Variants in TET3 observed in about 807,000 individuals in gnomAD.
The protein encoded by TET3 is methylcytosine dioxygenase TET3.
Under a neutral mutation model 141.4 loss-of-function variants are expected in TET3, and 19 were observed. That is an observed-to-expected ratio of 0.13 (90% CI 0.09 to 0.20). TET3 has a LOEUF of 0.20. Ranked by LOEUF, TET3 falls within the 10% of genes least tolerant of loss-of-function variation. The probability of loss-of-function intolerance (pLI) is 1.00; values close to 1 mark genes in which losing one functional copy is unlikely to be tolerated. For missense variants in TET3, 1,874 were observed against 2,356.9 expected (o/e 0.80, Z 4.24); for synonymous variants, 1,043 against 980.9 (o/e 1.06, Z -1.18).
intron 3 of TET3, among the ~76,000 whole-genome samples, chr2:74,036,140 A>G (rs1299663225): frequency 6.6e-6 from 1 of 152,220 alleles, no homozygotes; most frequent in African/African-American, 2.4e-5. Context: ...TTTTCATAAT[A>G]ATCTTGTGAG....
intron 5 of TET3, among the ~76,000 whole-genome samples, chr2:74,078,996 T>C (rs1406855010): frequency 6.6e-6 from 1 of 152,220 alleles, no homozygotes; most frequent in East Asian, 1.9e-4. Context: ...CAGTGATGAA[T>C]TGTTGGAAAC....
At chr2:74,004,796 C>T (rs1038006068) in intron 3 of TET3, among the ~76,000 whole-genome samples, 1 of 152,192 alleles carries the variant, frequency 6.6e-6, no homozygotes, top group African/African-American at 2.4e-5. Flanking sequence ...GCAGAACCCC[C>T]AGGTTCCACC....
chr2:74,037,661 A>T (rs1166057809), intron 3 of TET3, among the ~76,000 whole-genome samples: 2 of 152,172 alleles, frequency 1.3e-5, no homozygotes. Flanking sequence ...GGCCAAAAAC[A>T]CCTTCTTGGA....
At chr2:74,069,091 C>A (rs1486091971) in intron 4 of TET3, among the ~76,000 whole-genome samples, 2 of 151,642 alleles carry the variant, frequency 1.3e-5, no homozygotes, top group Non-Finnish European at 2.9e-5. Context: ...GACCCTTCTT[C>A]CTGATTATTT....
intron 6 of TET3, 120 bp downstream of exon 6, chr2:74,080,711 C>T (rs1344639997): frequency 1.4e-6 from 1 of 690,354 alleles, no homozygotes; most frequent in East Asian, 3.1e-5. Flanking sequence ...GGGGGTGGGG[C>T]CAGGTGGGTG....
rs1202868622 is a variant in TET3 at position 74,105,398 on chromosome 2, C to T, written c.*3222C>T. 5.0e-6 allele frequency: 2 copies of T among 398,566 alleles called. No homozygotes were observed. The highest frequency in any genetic ancestry group is 8.8e-6 in the Non-Finnish European group (2 of 226,060). 24.7% of individuals were successfully genotyped at this position (398,566 alleles called of 1,614,324 possible). ...TACGAGATTTTTAAAATAAAAATCG[C>T]TTCGCAGCAGGTTCTCACAAAATAA... On this transcript the variant is annotated 3_prime_UTR_variant, in exon 12 of 12. Transcript: ENST00000409262.
At chr2:74,091,108 G>A (rs983236492) in intron 8 of TET3, among the ~76,000 whole-genome samples, 2 of 152,108 alleles carry the variant, frequency 1.3e-5, no homozygotes, top group African/African-American at 4.8e-5. Flanking sequence ...GTTTACCCCA[G>A]ACCTGGCTTT....
At chr2:74,002,906 A>C (rs1033187550) in intron 2 of TET3, 18 of 595,436 alleles carry the variant, frequency 3.0e-5, no homozygotes, top group Non-Finnish European at 5.4e-5. Flanking sequence ...ACAAAAACAC[A>C]CTGGAAGGCG....
chr2:74,096,509 G>A (rs1489749063), intron 10 of TET3, among the ~76,000 whole-genome samples: 1 of 152,228 alleles, frequency 6.6e-6, no homozygotes, highest in Admixed American at 6.5e-5. Context: ...GCTCACGCCT[G>A]TAATCCCAGC....
chr2:74,123,548 C>T, the TET3 span, among the ~76,000 whole-genome samples: 1 of 152,194 alleles, frequency 6.6e-6, no homozygotes, highest in African/African-American at 2.4e-5. Flanking sequence ...TCGGTAACCC[C>T]AGAGAGGAGT....
chr2:74,124,591 T>C, the TET3 span, among the ~76,000 whole-genome samples: 1 of 152,366 alleles, frequency 6.6e-6, no homozygotes, highest in Middle Eastern at 3.4e-3. Context: ...GAAAAATTCT[T>C]CTGCCTTGGG....
downstream of TET3, among the ~76,000 whole-genome samples, chr2:74,108,476 G>A (rs58050081): frequency 1.2e-3 from 186 of 151,728 alleles, no homozygotes; most frequent in African/African-American, 4.0e-3. Flanking sequence ...TCTTTCCACT[G>A]GGAGATACCT....
intron 3 of TET3, among the ~76,000 whole-genome samples, chr2:74,008,076 C>G (rs1199881561): frequency 1.3e-5 from 2 of 152,172 alleles, no homozygotes; most frequent in Non-Finnish European, 2.9e-5. Context: ...CGGGCCATAT[C>G]CTGAATAGCA....
intron 3 of TET3, among the ~76,000 whole-genome samples, chr2:74,031,673 T>C (rs1038931656): frequency 2.6e-5 from 4 of 152,184 alleles, no homozygotes; most frequent in African/African-American, 9.7e-5. Flanking sequence ...GTGAAGTTGA[T>C]CTTGTGGCTG....
chr2:74,067,375 C>T (rs1018590772), intron 4 of TET3, among the ~76,000 whole-genome samples: 1 of 152,276 alleles, frequency 6.6e-6, no homozygotes, highest in South Asian at 2.1e-4. Flanking sequence ...GTTTGTTTGG[C>T]GGAGCCTGGA....
chr2:73,992,214 G>A (rs1455345375), intron 2 of TET3, among the ~76,000 whole-genome samples: 2 of 152,150 alleles, frequency 1.3e-5, no homozygotes, highest in East Asian at 3.8e-4. Flanking sequence ...GGAAAACAGA[G>A]CCAGCCAGCT....
At chr2:74,022,168 A>C (rs962665110) in intron 3 of TET3, among the ~76,000 whole-genome samples, 2 of 141,754 alleles carry the variant, frequency 1.4e-5, no homozygotes, top group Non-Finnish European at 3.0e-5. Context: ...AAAATAATAC[A>C]TGTTTATTGT....
chr2:74,090,874 G>A (rs1690452669), intron 8 of TET3, among the ~76,000 whole-genome samples: 1 of 152,192 alleles, frequency 6.6e-6, no homozygotes, highest in Non-Finnish European at 1.5e-5. Flanking sequence ...TGAGCGGGTG[G>A]AGTGCTGGCT....
intron 10 of TET3, among the ~76,000 whole-genome samples, chr2:74,098,228 G>C (rs557583672): frequency 1.3e-4 from 20 of 152,052 alleles, no homozygotes; most frequent in African/African-American, 3.6e-4. Flanking sequence ...TAGCTAAAAG[G>C]GTATTTCAAA....
Sources: allele counts gnomAD v4.1 joint callset (sites outside exome capture counted in the v4.1 genomes callset), GRCh38; gene constraint gnomAD v4.1.1; transcripts MANE v1.5; gene names NCBI Gene and HGNC (gene_info 2026-07-23, HGNC 2026-07-21).